Variants in SV2C observed in about 807,000 individuals in gnomAD.
The protein encoded by SV2C is synaptic vesicle glycoprotein 2C.
SV2C carries 49 observed loss-of-function variants against 79.7 expected under a neutral mutation model. The observed-to-expected ratio is 0.61, with a 90% CI of 0.49 to 0.78. SV2C has a LOEUF of 0.78. Among genes scored for constraint, SV2C ranks in the 30% least tolerant of loss-of-function variants. The probability of loss-of-function intolerance (pLI) is 0.00; values close to 1 mark genes in which losing one functional copy is unlikely to be tolerated. For synonymous variants in SV2C, 334 were observed against 333.2 expected (o/e 1.00, Z -0.03); for missense variants, 833 against 912.9 (o/e 0.91, Z 1.13).
At chr5:76,019,018 ATCACCTTT>A in the SV2C span, among the ~76,000 whole-genome samples, 2 of 152,174 alleles carry the variant, frequency 1.3e-5, no homozygotes, top group Non-Finnish European at 2.9e-5. Flanking sequence ...GTATTAGGAG[ATCACCTTT>A]TCACCTCCCT....
the SV2C span, among the ~76,000 whole-genome samples, chr5:75,978,866 A>T: frequency 6.6e-6 from 1 of 151,920 alleles, no homozygotes; most frequent in Non-Finnish European, 1.5e-5. Flanking sequence ...GCTTAGGAGG[A>T]TAGATGGCTT....
At chr5:75,909,827 C>T in the SV2C span, among the ~76,000 whole-genome samples, 1 of 152,126 alleles carries the variant, frequency 6.6e-6, no homozygotes, top group Admixed American at 6.6e-5. Flanking sequence ...CCTATTTGCC[C>T]ATCCTCCTCA....
At chr5:76,216,329 G>A (rs539291956) in intron 4 of SV2C, among the ~76,000 whole-genome samples, 21 of 152,216 alleles carry the variant, frequency 1.4e-4, no homozygotes, top group African/African-American at 5.1e-4. Flanking sequence ...GCTTGGCTGT[G>A]GTCACACCAG....
chr5:75,956,117 T>C, the SV2C span, among the ~76,000 whole-genome samples: 15,205 of 141,518 alleles, frequency 0.11, 2,248 homozygotes, highest in African/African-American at 0.36. Context: ...TGCGGCATTA[T>C]TCACAATAGC....
At chr5:76,336,081 CGGCTGGCCGGGCGGGGGTCTG>C (rs1561324785), downstream of SV2C, among the ~76,000 whole-genome samples, 6 of 65,378 alleles carry the variant, frequency 9.2e-5, no homozygotes, top group Non-Finnish European at 2.0e-4. Flanking sequence ...CCGGACGGGG[CGGCTGGCCGGGCGGGGGTCTG>C]ACCCCCCCCA....
At chr5:75,970,944 A>G in the SV2C span, among the ~76,000 whole-genome samples, 1 of 152,130 alleles carries the variant, frequency 6.6e-6, no homozygotes, top group African/African-American at 2.4e-5. Flanking sequence ...TGGCAAACCG[A>G]ATCCAGCAGC....
At chr5:76,250,633 G>A (rs1305876339) in intron 4 of SV2C, among the ~76,000 whole-genome samples, 3 of 152,204 alleles carry the variant, frequency 2.0e-5, no homozygotes, top group African/African-American at 7.2e-5. Flanking sequence ...ACTGACAGCA[G>A]CCTATCTGCA....
intron 2 of SV2C, among the ~76,000 whole-genome samples, chr5:76,176,248 G>A (rs1009858386): frequency 1.3e-5 from 2 of 152,138 alleles, no homozygotes; most frequent in Non-Finnish European, 2.9e-5. Flanking sequence ...TTCTCAGTTC[G>A]GGGGAGAATG....
chr5:75,953,581 A>G, the SV2C span, among the ~76,000 whole-genome samples: 1 of 151,954 alleles, frequency 6.6e-6, no homozygotes, highest in South Asian at 2.1e-4. Context: ...GCCTCCATAC[A>G]TGAGTACTTT....
At chr5:76,177,317 G>C (rs893679043) in intron 2 of SV2C, among the ~76,000 whole-genome samples, 1 of 151,198 alleles carries the variant, frequency 6.6e-6, no homozygotes, top group Non-Finnish European at 1.5e-5. Context: ...GGGAAGTACA[G>C]AGATCTTCCC....
the SV2C span, among the ~76,000 whole-genome samples, chr5:76,059,383 C>A: frequency 6.6e-6 from 1 of 152,090 alleles, no homozygotes. Context: ...TTCTCTCAAA[C>A]CCTGGTTTAT....
In SV2C at chr5:76,333,956, A is replaced by C. The variant is rs1259545459; in HGVS notation, c.*8409A>C. Reference sequence around the variant, plus strand: ...TTTTTGCTCCATTATATTCAAATACAGATTGCTGTGTGACTGGCTTCCCTT... The same window carrying C: ...TTTTTGCTCCATTATATTCAAATACCGATTGCTGTGTGACTGGCTTCCCTT... On this transcript the variant is annotated 3_prime_UTR_variant, in exon 13 of 13. Coordinates refer to ENST00000502798, the MANE Select transcript of SV2C (RefSeq NM_014979.4). 6.6e-6 allele frequency: 1 copy of C among 152,024 alleles called. No homozygotes were observed. Among genetic ancestry groups the C allele is most frequent in the Admixed American group, 6.6e-5 (1 of 15,264 alleles). 9.4% of individuals were successfully genotyped at this position (152,024 alleles called of 1,614,324 possible).
chr5:75,959,911 C>T, the SV2C span, among the ~76,000 whole-genome samples: 98,890 of 151,786 alleles, frequency 0.65, 33,687 homozygotes, highest in African/African-American at 0.8. Flanking sequence ...AGCACCATTA[C>T]TGCTTCCTTA....
At chr5:76,205,784 A>G (rs1211892012) in intron 3 of SV2C, among the ~76,000 whole-genome samples, 2 of 151,786 alleles carry the variant, frequency 1.3e-5, no homozygotes, top group Non-Finnish European at 2.9e-5. Context: ...TCCCAACCCT[A>G]GCGCTATTAA....
chr5:76,023,463 G>A, the SV2C span, among the ~76,000 whole-genome samples: 3 of 151,976 alleles, frequency 2.0e-5, no homozygotes, highest in East Asian at 1.9e-4. Context: ...TTTCAAATGC[G>A]TCTTATAGGA....
At chr5:76,134,259 G>A (rs1748994726) in intron 2 of SV2C, among the ~76,000 whole-genome samples, 1 of 152,204 alleles carries the variant, frequency 6.6e-6, no homozygotes, top group African/African-American at 2.4e-5. Context: ...GTTTCACTCA[G>A]TGTTGTGAGT....
intron 1 of SV2C, among the ~76,000 whole-genome samples, chr5:76,112,501 G>T (rs115655862): frequency 7.9e-5 from 12 of 152,284 alleles, no homozygotes; most frequent in East Asian, 5.8e-4. Context: ...AAGGGGATGG[G>T]GGGGAGGACC....
the SV2C span, among the ~76,000 whole-genome samples, chr5:76,032,945 G>T: frequency 2.6e-5 from 4 of 152,166 alleles, no homozygotes; most frequent in African/African-American, 9.7e-5. Flanking sequence ...CATTCTAACT[G>T]GTTTGAGATG....
chr5:75,976,263 C>A, the SV2C span, among the ~76,000 whole-genome samples: 1 of 152,118 alleles, frequency 6.6e-6, no homozygotes, highest in East Asian at 1.9e-4. Context: ...TTTCAGATTT[C>A]ATATTCATTC....
Sources: allele counts gnomAD v4.1 joint callset (sites outside exome capture counted in the v4.1 genomes callset), GRCh38; gene constraint gnomAD v4.1.1; transcripts MANE v1.5; gene names NCBI Gene and HGNC (gene_info 2026-07-23, HGNC 2026-07-21).